Variants in SV2C observed in about 807,000 individuals in gnomAD.
SV2C encodes the protein synaptic vesicle glycoprotein 2C.
A neutral mutation model predicts 79.7 loss-of-function variants in SV2C; 49 were observed. The observed-to-expected ratio is 0.61, with a 90% CI of 0.49 to 0.78. SV2C has a LOEUF of 0.78. SV2C is among the 30% of genes least tolerant of loss of function. The pLI is 0.00. For synonymous variants in SV2C, 334 were observed against 333.2 expected, an observed-to-expected ratio of 1.00 and a Z score of -0.03; for missense variants, 833 against 912.9, an observed-to-expected ratio of 0.91 and a Z score of 1.13.
intron 2 of SV2C, among the ~76,000 whole-genome samples, chr5:76,169,880 TA>T (rs966173011): frequency 6.6e-6 from 1 of 152,134 alleles, no homozygotes; most frequent in African/African-American, 2.4e-5. Context: ...TGTCTGGTAG[TA>T]AAAAAGTGGT....
intron 12 of SV2C, among the ~76,000 whole-genome samples, chr5:76,302,630 C>CAAAA (rs60732488): frequency 5.8e-5 from 4 of 68,846 alleles, no homozygotes; most frequent in African/African-American, 1.8e-4. Context: ...GACTCCATCT[C>CAAAA]AAAAAAAAAA....
At chr5:75,898,735 A>T in the SV2C span, among the ~76,000 whole-genome samples, 74 of 152,164 alleles carry the variant, frequency 4.9e-4, no homozygotes, top group African/African-American at 1.6e-3. Context: ...GATTATTGCC[A>T]CAATTTCAGA....
chr5:76,011,424 G>T, the SV2C span, among the ~76,000 whole-genome samples: 2 of 152,014 alleles, frequency 1.3e-5, no homozygotes, highest in Non-Finnish European at 2.9e-5. Context: ...ATATACTAGA[G>T]CTGGTCTTGA....
chr5:76,141,789 A>T (rs1235707811), intron 2 of SV2C, among the ~76,000 whole-genome samples: 5 of 135,866 alleles, frequency 3.7e-5, no homozygotes, highest in Non-Finnish European at 7.6e-5. Context: ...ACGCCACTGC[A>T]CTCCAGCCTG....
At chr5:76,118,200 G>A (rs1158972859) in intron 1 of SV2C, among the ~76,000 whole-genome samples, 1 of 152,176 alleles carries the variant, frequency 6.6e-6, no homozygotes, top group Non-Finnish European at 1.5e-5. Flanking sequence ...GACTCCAGGT[G>A]CTCCTCAGCC....
intron 2 of SV2C, among the ~76,000 whole-genome samples, chr5:76,183,211 G>A (rs1168820945): frequency 6.6e-6 from 1 of 151,548 alleles, no homozygotes; most frequent in Non-Finnish European, 1.5e-5. Context: ...TTTTCGTAGA[G>A]ACAGGGTTTC....
chr5:75,886,046 A>G, the SV2C span, among the ~76,000 whole-genome samples: 1 of 152,066 alleles, frequency 6.6e-6, no homozygotes, highest in East Asian at 1.9e-4. Flanking sequence ...TTGGGCCTCT[A>G]TACTGTTTGC....
rs74486120 is a variant in SV2C, at chr5:76,151,111, A to G, written c.580+18781A>G. Among the ~76,000 whole-genome samples the G allele has an allele frequency of 7.1e-4, 108 of 152,348 alleles. 1 individual carries two copies. In the East Asian group the frequency reaches 0.013, roughly 18 times the overall value. ...TTGAAGGAGGAGTGGATTTTTAAAA[A>G]AGGCTTTCAGGAGACTGTGGTATTT... On this transcript the variant is annotated intron_variant, in intron 2 of 12. Transcript: ENST00000502798.
the SV2C span, among the ~76,000 whole-genome samples, chr5:75,952,673 T>C: frequency 6.6e-6 from 1 of 151,802 alleles, no homozygotes; most frequent in African/African-American, 2.4e-5. Context: ...TGTGATATAC[T>C]GGCTTCATCT....
At chr5:76,045,173 C>G in the SV2C span, among the ~76,000 whole-genome samples, 1 of 152,142 alleles carries the variant, frequency 6.6e-6, no homozygotes, top group Non-Finnish European at 1.5e-5. Flanking sequence ...ATAGGGAATC[C>G]TTTCCCCATT....
the SV2C span, among the ~76,000 whole-genome samples, chr5:75,871,488 A>G: frequency 6.6e-6 from 1 of 152,162 alleles, no homozygotes; most frequent in Non-Finnish European, 1.5e-5. Context: ...AAAACTATTT[A>G]AAAAACTATG....
chr5:76,198,761 T>C (rs1164768675), intron 3 of SV2C, among the ~76,000 whole-genome samples: 1 of 152,226 alleles, frequency 6.6e-6, no homozygotes, highest in Non-Finnish European at 1.5e-5. Context: ...GGAACTCTGT[T>C]TCTGAATCTC....
chr5:75,851,349 A>G, the SV2C span, among the ~76,000 whole-genome samples: 5 of 152,278 alleles, frequency 3.3e-5, no homozygotes, highest in East Asian at 3.9e-4. Context: ...ACAGAGTTCA[A>G]TTTTTGAGTT....
the SV2C span, among the ~76,000 whole-genome samples, chr5:75,929,850 G>A: frequency 7.9e-5 from 12 of 152,228 alleles, no homozygotes; most frequent in Admixed American, 3.3e-4. Context: ...AGAAAACTAC[G>A]TTTTGTAAAA....
the SV2C span, among the ~76,000 whole-genome samples, chr5:76,012,354 G>A: frequency 6.6e-6 from 1 of 152,176 alleles, no homozygotes; most frequent in Non-Finnish European, 1.5e-5. Context: ...TTTCGCTAAT[G>A]ACCAGTGATG....
chr5:75,939,568 C>A, the SV2C span, among the ~76,000 whole-genome samples: 1 of 152,144 alleles, frequency 6.6e-6, no homozygotes, highest in Non-Finnish European at 1.5e-5. Context: ...CCAAAGCAGA[C>A]ATTGTCTATT....
the SV2C span, among the ~76,000 whole-genome samples, chr5:75,966,828 G>A: frequency 6.6e-6 from 1 of 152,086 alleles, no homozygotes. Flanking sequence ...CCCCAGTTTG[G>A]GGGCTCATTT....
At chr5:76,221,473 G>A (rs1401617015) in intron 4 of SV2C, among the ~76,000 whole-genome samples, 2 of 152,190 alleles carry the variant, frequency 1.3e-5, no homozygotes, top group East Asian at 3.8e-4. Flanking sequence ...ATCCTTAGGG[G>A]TGCCGCCTGC....
chr5:76,254,811 G>A (rs1746217890), intron 4 of SV2C, among the ~76,000 whole-genome samples: 1 of 152,122 alleles, frequency 6.6e-6, no homozygotes, highest in Admixed American at 6.5e-5. Context: ...ACATAGACAT[G>A]TATTATTATT....
Sources: gnomAD v4.1 joint callset for allele counts (sites outside exome capture counted in the v4.1 genomes callset) on GRCh38, gnomAD v4.1.1 for gene constraint, MANE v1.5 for transcripts, NCBI Gene and HGNC (gene_info 2026-07-23, HGNC 2026-07-21) for gene names.